ANO4: variants seen among roughly 807,000 people sequenced by gnomAD.
ANO4 encodes anoctamin-4.
In ANO4, 69 loss-of-function variants were observed where a neutral mutation model predicts 141.9. The observed-to-expected ratio is 0.49, with a 90% CI of 0.40 to 0.59. The LOEUF (loss-of-function observed/expected upper bound fraction) is 0.59, where lower values mean the gene tolerates loss of function less well. Ranked by LOEUF, ANO4 falls within the 20% of genes least tolerant of loss-of-function variation. The pLI is 0.00. For synonymous variants in ANO4, 350 were observed against 394.3 expected (o/e 0.89, Z 1.33); for missense variants, 894 against 1,162.2 (o/e 0.77, Z 3.36).
chr12:100,777,196 A>G (rs1325649754), intron 3 of ANO4, among the ~76,000 whole-genome samples: 1 of 149,180 alleles, frequency 6.7e-6, no homozygotes, highest in African/African-American at 2.5e-5. Flanking sequence ...GGGTTCAAGC[A>G]ATTCTTGTGC....
chr12:101,112,697 T>A (rs547894496), intron 24 of ANO4, among the ~76,000 whole-genome samples: 3 of 152,188 alleles, frequency 2.0e-5, no homozygotes, highest in African/African-American at 4.8e-5. Context: ...GCAAATCAAC[T>A]GAACTCATGC....
chr12:101,044,260 C>A (rs1016224220), intron 13 of ANO4, among the ~76,000 whole-genome samples: 1 of 152,172 alleles, frequency 6.6e-6, no homozygotes, highest in East Asian at 1.9e-4. Flanking sequence ...TCCTCTCTGT[C>A]CTACCCTATT....
At chr12:100,740,028 G>T in exon 3 of ANO4, 1 of 702,556 alleles carries the variant, frequency 1.4e-6, no homozygotes, top group Non-Finnish European at 2.6e-6. Flanking sequence ...CCTTTGTCCT[G>T]TCCAGCCTCA....
intron 5 of ANO4, among the ~76,000 whole-genome samples, chr12:100,968,963 C>G (rs1429340517): frequency 6.6e-6 from 1 of 152,166 alleles, no homozygotes; most frequent in Admixed American, 6.5e-5. Context: ...TAATAGGTTA[C>G]TCAACAGAAG....
At chr12:101,016,007 G>T (rs149398128) in intron 8 of ANO4, among the ~76,000 whole-genome samples, 12 of 152,158 alleles carry the variant, frequency 7.9e-5, no homozygotes, top group African/African-American at 2.9e-4. Flanking sequence ...TCCACACCCC[G>T]CAGGAAGATC....
intron 1 of ANO4, among the ~76,000 whole-genome samples, chr12:100,831,242 C>G (rs998963606): frequency 6.6e-6 from 1 of 152,096 alleles, no homozygotes; most frequent in Non-Finnish European, 1.5e-5. Flanking sequence ...TCTGGTGGCA[C>G]GTGTCTTGCA....
chr12:100,783,465 T>C (rs2033769978), intron 3 of ANO4, among the ~76,000 whole-genome samples: 1 of 152,182 alleles, frequency 6.6e-6, no homozygotes, highest in African/African-American at 2.4e-5. Context: ...TCAATCCATC[T>C]CCTTTCCAAT....
chr12:101,082,125 G>T (rs113138629), intron 15 of ANO4, among the ~76,000 whole-genome samples: 4,803 of 152,226 alleles, frequency 0.032, 244 homozygotes, highest in African/African-American at 0.11. Flanking sequence ...TGTGTTGGGG[G>T]TTGGACCTGG....
chr12:100,778,362 T>TGTGAGGTA (rs1042922628), intron 3 of ANO4, among the ~76,000 whole-genome samples: 7 of 152,126 alleles, frequency 4.6e-5, no homozygotes, highest in African/African-American at 4.8e-5. Context: ...TTGAAGGCAA[T>TGTGAGGTA]GTGAGGTAGT....
chr12:100,721,871 T>A (rs11110490), intron 1 of ANO4, among the ~76,000 whole-genome samples: 20,357 of 149,714 alleles, frequency 0.14, 2,026 homozygotes, highest in African/African-American at 0.28. Context: ...TTTTTTTTTT[T>A]AAGTAGAGGC....
At chr12:100,948,723 C>A (rs564850232) in intron 5 of ANO4, among the ~76,000 whole-genome samples, 1 of 152,216 alleles carries the variant, frequency 6.6e-6, no homozygotes, top group East Asian at 1.9e-4. Context: ...CTTAGCTAGT[C>A]CTTGTGGTGG....
chr12:100,999,993 G>A (rs1188297102), intron 8 of ANO4, among the ~76,000 whole-genome samples: 2 of 149,740 alleles, frequency 1.3e-5, no homozygotes, highest in Admixed American at 6.7e-5. Context: ...AAGTTGCAGT[G>A]AGCCGAGATC....
At position 101,039,940 on chromosome 12, in the gene ANO4, G is replaced by A; in HGVS notation, c.898-15G>A. 1 of 1,606,294 alleles carries A rather than the reference G, an allele frequency of 6.2e-7. No homozygotes were observed. ...TGTGAGTACTACCTCACTGGCAGTG[G>A]TGTTTTTATCCCAGGGAAGTTATAG... is the stretch of plus-strand genomic sequence containing the variant. On this transcript the variant is annotated splice_polypyrimidine_tract_variant and intron_variant, in intron 10 of 27. Coordinates refer to ENST00000392977, the MANE Select transcript of ANO4 (RefSeq NM_001286615.2).
intron 5 of ANO4, among the ~76,000 whole-genome samples, chr12:100,949,169 C>G (rs946739313): frequency 2.6e-5 from 4 of 152,190 alleles, no homozygotes; most frequent in African/African-American, 9.7e-5. Context: ...CAGCCCCAGG[C>G]AAGACCTACA....
chr12:101,064,653 C>G (rs1486274444), intron 14 of ANO4, among the ~76,000 whole-genome samples: 1 of 107,904 alleles, frequency 9.3e-6, no homozygotes, highest in Admixed American at 1.2e-4. Context: ...TATCCCAGAA[C>G]TTAAAGTATT....
At chr12:101,094,189 C>T (rs2049887439) in intron 17 of ANO4, 67 bp from the exon 18 acceptor site, 4 of 1,295,480 alleles carry the variant, frequency 3.1e-6, no homozygotes, top group Non-Finnish European at 4.5e-6. Context: ...CTCCCTATTT[C>T]CTTTGTGATT....
intron 1 of ANO4, among the ~76,000 whole-genome samples, chr12:100,900,216 C>A (rs771251841): frequency 6.6e-6 from 1 of 151,652 alleles, no homozygotes; most frequent in African/African-American, 2.4e-5. Flanking sequence ...TCTTTCTCTC[C>A]TTCCCTCCTT....
At chr12:100,880,934 C>T (rs1424596292) in intron 1 of ANO4, among the ~76,000 whole-genome samples, 1 of 152,094 alleles carries the variant, frequency 6.6e-6, no homozygotes, top group East Asian at 1.9e-4. Context: ...TAAAAGGGGC[C>T]AGATTTTGTG....
upstream of ANO4, among the ~76,000 whole-genome samples, chr12:100,793,648 T>C (rs2034139142): frequency 6.6e-6 from 1 of 152,140 alleles, no homozygotes; most frequent in Non-Finnish European, 1.5e-5. Context: ...GGGAGTTATC[T>C]TTTCTGCAGT....
Sources: allele counts gnomAD v4.1 joint callset (sites outside exome capture counted in the v4.1 genomes callset), GRCh38; gene constraint gnomAD v4.1.1; transcripts MANE v1.5; gene names NCBI Gene and HGNC (gene_info 2026-07-23, HGNC 2026-07-21).